Variants in USP37 observed in about 807,000 individuals in gnomAD.
The protein encoded by USP37 is ubiquitin carboxyl-terminal hydrolase 37.
A neutral mutation model predicts 124.0 loss-of-function variants in USP37; 27 were observed. The observed-to-expected ratio is 0.22, with a 90% CI of 0.16 to 0.30. USP37 has a LOEUF of 0.30. Among genes scored for constraint, USP37 ranks in the 10% least tolerant of loss-of-function variants. The probability of loss-of-function intolerance (pLI) is 1.00; values close to 1 mark genes in which losing one functional copy is unlikely to be tolerated. For synonymous variants in USP37, 365 were observed against 388.0 expected (o/e 0.94, Z 0.70); for missense variants, 889 against 1,140.4 (o/e 0.78, Z 3.17).
chr2:218,482,074 C>T lies in USP37; in HGVS notation c.1831G>A (p.Ala611Thr). Residue 611 changes from alanine to threonine, a missense_variant, in exon 17 of 26, where the codon GCA (alanine) becomes ACA (threonine). This residue lies in a region of USP37 where 504 missense variants were observed against 714.3 expected (regional missense o/e 0.71). Coordinates refer to ENST00000258399, the MANE Select transcript of USP37 (RefSeq NM_020935.3). ...PFTLGWSAHM[A>T]ISRPLKASQM... Reference sequence around the variant, plus strand: ...CATAGTCTCTCAAGGACTTACATTGCCATATGTGCACTCCAACCAAGGGTA... The same window carrying T: ...CATAGTCTCTCAAGGACTTACATTGTCATATGTGCACTCCAACCAAGGGTA... The T allele has an allele frequency of 1.2e-6, 2 of 1,608,688 alleles. No homozygotes were observed. The highest frequency in any genetic ancestry group is 1.7e-6 in the Non-Finnish European group (2 of 1,176,572).
intron 10 of USP37, among the ~76,000 whole-genome samples, chr2:218,514,689 T>C (rs1453812884): frequency 6.6e-6 from 1 of 152,222 alleles, no homozygotes; most frequent in African/African-American, 2.4e-5. Flanking sequence ...AAATACCCTG[T>C]TTCTCATCAA....
chr2:218,495,466 C>G (rs1298273986), intron 14 of USP37, among the ~76,000 whole-genome samples: 2 of 151,912 alleles, frequency 1.3e-5, no homozygotes, highest in Non-Finnish European at 2.9e-5. Flanking sequence ...GAAAAAGACT[C>G]TGAAAAAAAG....
chr2:218,517,429 ACT>A (rs144398365), intron 10 of USP37, among the ~76,000 whole-genome samples: 42,569 of 151,898 alleles, frequency 0.28, 7,516 homozygotes, highest in Non-Finnish European at 0.39. Context: ...TTGTGGGTAA[ACT>A]CTGTTATTAT....
At chr2:218,509,800 T>C (rs1377906033) in intron 11 of USP37, among the ~76,000 whole-genome samples, 179 bp downstream of exon 11, 1 of 152,190 alleles carries the variant, frequency 6.6e-6, no homozygotes, top group African/African-American at 2.4e-5. Flanking sequence ...TCTAAAATTG[T>C]TTGGTGAACA....
intron 10 of USP37, chr2:218,528,843 A>C (rs11898773): frequency 3.3e-6 from 1 of 307,486 alleles, no homozygotes; most frequent in Admixed American, 6.6e-5. Context: ...AAAAAAAAAG[A>C]GCTTATCTAT....
chr2:218,534,421 A>G (rs1489333473), intron 9 of USP37, among the ~76,000 whole-genome samples, 188 bp downstream of exon 9: 1 of 152,160 alleles, frequency 6.6e-6, no homozygotes, highest in Non-Finnish European at 1.5e-5. Context: ...CCCGGGAGGC[A>G]GAGGTTGCAG....
At chr2:218,511,527 C>A (rs937923000) in intron 10 of USP37, among the ~76,000 whole-genome samples, 4 of 152,190 alleles carry the variant, frequency 2.6e-5, no homozygotes, top group African/African-American at 7.2e-5. Flanking sequence ...CCAGGCTGGT[C>A]TCGAACTCCT....
chr2:218,519,902 C>T (rs933153393), intron 10 of USP37, among the ~76,000 whole-genome samples: 3 of 151,948 alleles, frequency 2.0e-5, no homozygotes, highest in Non-Finnish European at 2.9e-5. Context: ...CACACCAGGC[C>T]TCCTGTCAGT....
At chr2:218,566,981 T>C (rs935128823) in intron 1 of USP37, among the ~76,000 whole-genome samples, 1 of 151,910 alleles carries the variant, frequency 6.6e-6, no homozygotes, top group African/African-American at 2.4e-5. Flanking sequence ...CTGAAACTCC[T>C]AAGAAAAAAA....
intron 10 of USP37, among the ~76,000 whole-genome samples, chr2:218,523,703 C>A (rs1171401815): frequency 2.6e-5 from 4 of 152,120 alleles, no homozygotes. Flanking sequence ...TAGGTGTGAG[C>A]CACTGAACCC....
intron 8 of USP37, among the ~76,000 whole-genome samples, chr2:218,539,072 A>G (rs948212472): frequency 6.6e-6 from 1 of 152,000 alleles, no homozygotes; most frequent in African/African-American, 2.4e-5. Context: ...GGCTCAAGCC[A>G]TCCTCCCACC....
Position 218,465,977 on chromosome 2 carries a change from T to A in USP37, c.2466+33A>T, listed in dbSNP as rs752246075. On this transcript the variant is annotated intron_variant, in intron 21 of 25. Coordinates refer to ENST00000258399, the MANE Select transcript of USP37 (RefSeq NM_020935.3). ...TATTATATTTCTCAGGAAAGGTAAG[T>A]ACAGAGAAAGTAGCAATATAAATAT... is the stretch of plus-strand genomic sequence containing the variant. The A allele has an allele frequency of 9.4e-6, 15 of 1,595,642 alleles. No homozygotes were observed. The African/African-American group carries it at 1.8e-4, about 19-fold the overall frequency.
chr2:218,466,747 T>C (rs760128660), intron 20 of USP37, among the ~76,000 whole-genome samples: 1 of 152,154 alleles, frequency 6.6e-6, no homozygotes, highest in African/African-American at 2.4e-5. Flanking sequence ...TTTTTTTTAT[T>C]TTTTGGGGAC....
Position 218,562,681 on chromosome 2 carries a change from G to A in USP37, c.-97C>T. The A allele has an allele frequency of 2.5e-6, 1 of 398,488 alleles. No individual in the cohort carries two copies. The highest frequency in any genetic ancestry group is 4.4e-6 in the Non-Finnish European group (1 of 226,040). 24.7% of individuals were successfully genotyped at this position (398,488 alleles called of 1,614,324 possible). A position where few individuals can be genotyped will look rare whatever the true frequency, so the allele number is the denominator to read the frequency against. ...ACAAAAACATTACTTACTTTTCAGTGACTTTTACCGAAAAACCCTATGTAA... is the reference window on the plus strand; with the variant it reads ...ACAAAAACATTACTTACTTTTCAGTAACTTTTACCGAAAAACCCTATGTAA... On this transcript the variant is annotated 5_prime_UTR_variant, in exon 2 of 26. Coordinates refer to ENST00000258399, the MANE Select transcript of USP37 (RefSeq NM_020935.3).
At chr2:218,514,848 A>G (rs1690187185) in intron 10 of USP37, among the ~76,000 whole-genome samples, 2 of 152,206 alleles carry the variant, frequency 1.3e-5, no homozygotes, top group African/African-American at 4.8e-5. Flanking sequence ...GTCTCTACAC[A>G]TTCATTCATT....
intron 10 of USP37, among the ~76,000 whole-genome samples, chr2:218,517,035 T>C (rs759988329): frequency 2.6e-5 from 4 of 152,194 alleles, no homozygotes; most frequent in Non-Finnish European, 4.4e-5. Context: ...AGTATACACA[T>C]GAGGTGGTTT....
chr2:218,464,058 C>T (rs1468960403), intron 21 of USP37, among the ~76,000 whole-genome samples: 1 of 151,672 alleles, frequency 6.6e-6, no homozygotes, highest in Non-Finnish European at 1.5e-5. Flanking sequence ...GGGGTTTCAC[C>T]ATGTTGGCCA....
rs528650705 is a variant in USP37 at position 218,494,281 on chromosome 2, C to G, written c.1472+1479G>C. On this transcript the variant is annotated intron_variant, in intron 14 of 25. Transcript: ENST00000258399. ...GCCTGAGAAAAATAGATATGGAGGACAGAAAATTGGAGAACCAATATGGAT... is the reference window on the plus strand; with the variant it reads ...GCCTGAGAAAAATAGATATGGAGGAGAGAAAATTGGAGAACCAATATGGAT... Among the ~76,000 whole-genome samples the G allele has an allele frequency of 2.0e-5, 3 of 152,190 alleles. No homozygotes were observed. The South Asian group carries it at 6.2e-4, about 32-fold the overall frequency.
intron 4 of USP37, among the ~76,000 whole-genome samples, chr2:218,556,337 G>A (rs1054388851): frequency 5.9e-5 from 9 of 151,492 alleles, no homozygotes; most frequent in Non-Finnish European, 1.2e-4. Flanking sequence ...GAAAATTCAG[G>A]GTTAAAGAAA....
Sources: gnomAD v4.1 joint callset for allele counts (sites outside exome capture counted in the v4.1 genomes callset) on GRCh38, gnomAD v4.1.1 for gene constraint, gnomAD v4.1.1 regional missense constraint, MANE v1.5 for transcripts, NCBI Gene and HGNC (gene_info 2026-07-23, HGNC 2026-07-21) for gene names.